PRAMEF9: variants seen among roughly 807,000 people sequenced by gnomAD.
PRAMEF9 encodes the protein PRAME family member 9.
Under a neutral mutation model 10.9 loss-of-function variants are expected in PRAMEF9, and 1 was observed. The ratio of observed to expected loss-of-function variants is 0.09; its 90% confidence interval spans 0.03 to 0.44. The LOEUF is 0.44. Ranked by LOEUF, PRAMEF9 falls within the 20% of genes least tolerant of loss-of-function variation. PRAMEF9 has a pLI of 0.97. For missense variants in PRAMEF9, 126 were observed against 379.8 expected (o/e 0.33, Z 5.55); for synonymous variants, 40 against 148.3 (o/e 0.27, Z 5.31).
Position 13,175,535 on chromosome 1 carries a change from T to C in PRAMEF9, c.255T>C (p.Asp85=). ...TGGAGGCCTTCCAAGCTGTGCTCGATGGGCTGGATGCACTGCTTACCCAAG... is the reference window on the plus strand; with the variant it reads ...TGGAGGCCTTCCAAGCTGTGCTCGACGGGCTGGATGCACTGCTTACCCAAG... ...PCLEAFQAVL[D]GLDALLTQGV... Residue 85 remains aspartate, a synonymous_variant, in exon 2 of 4, where the codon GAT becomes GAC. Coordinates refer to ENST00000415919, the MANE Select transcript of PRAMEF9 (RefSeq NM_001010890.3). 2.0e-6 allele frequency: 3 copies of C among 1,533,384 alleles called. 1 individual carries two copies. Among genetic ancestry groups the C allele is most frequent in the Non-Finnish European group, 2.7e-6 (3 of 1,118,672 alleles). 95.0% of individuals were successfully genotyped at this position (1,533,384 alleles called of 1,614,324 possible). A position where few individuals can be genotyped will look rare whatever the true frequency, so the allele number is the denominator to read the frequency against.
At chr1:13,175,094 G>T in intron 1 of PRAMEF9, 171 bp from the exon 2 acceptor site, 1 of 699,428 alleles carries the variant, frequency 1.4e-6, no homozygotes, top group Non-Finnish European at 2.4e-6. Context: ...TCATGCTGAT[G>T]CAGCAGAGGC....
chr1:13,177,438 G>A (rs1384844837), intron 3 of PRAMEF9: 8 of 41,030 alleles, frequency 1.9e-4, no homozygotes, highest in African/African-American at 4.0e-4. Flanking sequence ...GGGATTACAG[G>A]CATGAGTCAG....
rs1393352371 is a variant in PRAMEF9, at chr1:13,172,528, A to T, written c.-21A>T. ...TGAGCACCTTCTAAACTACATCCAG[A>T]TCTGGTAAGTCACTAATTTCTGTAA... On this transcript the variant is annotated 5_prime_UTR_variant, in exon 1 of 4. Coordinates refer to ENST00000415919, the MANE Select transcript of PRAMEF9 (RefSeq NM_001010890.3). The T allele has an allele frequency of 2.8e-5, 4 of 140,726 alleles. 1 individual carries two copies. The highest frequency in any genetic ancestry group is 4.9e-5 in the African/African-American group (2 of 40,682). The allele number at this position is 140,726 out of a possible 1,614,324, so 8.7% of individuals were successfully genotyped here.
chr1:13,174,683 A>C (rs1315262330), intron 1 of PRAMEF9: 1 of 6,314 alleles, frequency 1.6e-4, no homozygotes, highest in African/African-American at 1.3e-3. Context: ...AAAGAGAGAG[A>C]GAATGAGAGA....
Position 13,179,001 on chromosome 1 carries a change from A to C in PRAMEF9, c.1306A>C (p.Ile436Leu), listed in dbSNP as rs1385334225. ...GTLCWSRFAQ[I>L]RAELMNRVRD... ...TCTCTGCTGGAGCAGATTTGCTCAA[A>C]TTAGGGCTGAGCTGATGAACAGAGT... is the stretch of plus-strand genomic sequence containing the variant. Residue 436 changes from isoleucine to leucine, a missense_variant, in exon 4 of 4, where the codon ATT becomes CTT. Transcript: ENST00000415919. 20 of 1,541,180 alleles carry C rather than the reference A, an allele frequency of 1.3e-5. 6 individuals are homozygous for C. The East Asian group carries it at 1.9e-4, about 15-fold the overall frequency.
Position 13,172,826 on chromosome 1 carries a change from G to T in PRAMEF9, c.-17+294G>T, listed in dbSNP as rs1284131141. ...AGTGGGAGGATCATTTCAGCCCAGGGGTTTGAGACCAACCTGGGCAACATG... is the reference window on the plus strand; with the variant it reads ...AGTGGGAGGATCATTTCAGCCCAGGTGTTTGAGACCAACCTGGGCAACATG... On this transcript the variant is annotated intron_variant, in intron 1 of 3. Transcript: ENST00000415919. 1.4e-5 allele frequency: 2 copies of T among 141,642 alleles called. 1 individual carries two copies. The highest frequency in any genetic ancestry group is 3.2e-5 in the Non-Finnish European group (2 of 62,614). 8.8% of individuals were successfully genotyped at this position (141,642 alleles called of 1,614,324 possible).
At position 13,171,878 on chromosome 1, in the gene PRAMEF9, CTTTTTTTT is replaced by C. The variant is rs1161135169; in HGVS notation, c.-657_-650del. ...TTCTCTCTCTCTCTTTTTTCTTTTT[CTTTTTTTT>C]TTTTTTTTTTTTTAAATCTAGCCTA... is the stretch of plus-strand genomic sequence containing the variant. On this transcript the variant is annotated 5_prime_UTR_variant, in exon 1 of 4. Transcript: ENST00000415919. 8.1e-6 allele frequency: 1 copy of C among 123,730 alleles called. No individual in the cohort carries two copies. Among genetic ancestry groups the C allele is most frequent in the African/African-American group, 2.7e-5 (1 of 37,136 alleles). 7.7% of individuals were successfully genotyped at this position (123,730 alleles called of 1,614,324 possible).
In PRAMEF9 at chr1:13,171,965, C is replaced by T. The variant is rs1638320827; in HGVS notation, c.-584C>T. 7.1e-6 allele frequency: 1 copy of T among 140,720 alleles called. No individual in the cohort carries two copies. The highest frequency in any genetic ancestry group is 2.5e-5 in the African/African-American group (1 of 40,552). 8.7% of individuals were successfully genotyped at this position (140,720 alleles called of 1,614,324 possible). On this transcript the variant is annotated 5_prime_UTR_variant, in exon 1 of 4. Coordinates refer to ENST00000415919, the MANE Select transcript of PRAMEF9 (RefSeq NM_001010890.3). The stretch of plus-strand genomic sequence containing the variant: ...TGTCAGCTCACTGCAACCTCTGCCT[C>T]CTGGGTTCAAGGGATCCTCCTGTCT...
Position 13,179,023 on chromosome 1 carries a change from G to C in PRAMEF9, c.1328G>C (p.Arg443Thr), listed in dbSNP as rs551967335. 41 of 1,541,722 alleles carry C rather than the reference G, an allele frequency of 2.7e-5. 5 individuals are homozygous for C. Among genetic ancestry groups the C allele is most frequent in the Non-Finnish European group, 1.3e-5 (15 of 1,123,172 alleles). Residue 443 changes from arginine to threonine, a missense_variant, in exon 4 of 4, where the codon AGA (arginine) becomes ACA (threonine). Coordinates refer to ENST00000415919, the MANE Select transcript of PRAMEF9 (RefSeq NM_001010890.3). The stretch of plus-strand genomic sequence containing the variant: ...CAAATTAGGGCTGAGCTGATGAACA[G>C]AGTGAGGGACTTAAGGCACCCCAAG... The part of the protein sequence containing the change: ...FAQIRAELMN[R>T]VRDLRHPKRI...
Position 13,175,243 on chromosome 1 carries a change from C to T in PRAMEF9, c.-16-22C>T, listed in dbSNP as rs1638364643. The T allele has an allele frequency of 1.4e-6, 2 of 1,441,414 alleles. 1 individual carries two copies. Among genetic ancestry groups the T allele is most frequent in the African/African-American group, 2.8e-5 (2 of 71,972 alleles). The allele number at this position is 1,441,414 out of a possible 1,614,324, so 89.3% of individuals were successfully genotyped here. A position where few individuals can be genotyped will look rare whatever the true frequency, so the allele number is the denominator to read the frequency against. ...GCTTGGCCTGAGAGTGATGCCTTTT[C>T]TCTGGGTTTGTCCTCTGGAAGTTTT... is the stretch of plus-strand genomic sequence containing the variant. On this transcript the variant is annotated intron_variant, in intron 1 of 3. Coordinates refer to ENST00000415919, the MANE Select transcript of PRAMEF9 (RefSeq NM_001010890.3).
Position 13,178,970 on chromosome 1 carries a change from T to G in PRAMEF9, c.1275T>G (p.Asp425Glu), listed in dbSNP as rs781849355. ...CCCCGCGGGAGAGTTATGGTGCTGA[T>G]GGTACTCTCTGCTGGAGCAGATTTG... Reference protein sequence around the residue: ...YPAPRESYGADGTLCWSRFAQ... With the variant: ...YPAPRESYGAEGTLCWSRFAQ... The change falls in exon 4 of 4, where the codon GAT (aspartate) becomes GAG (glutamate). Residue 425 changes from aspartate (D) to glutamate (E), a missense_variant. Coordinates refer to ENST00000415919, the MANE Select transcript of PRAMEF9 (RefSeq NM_001010890.3). 1 of 1,539,748 alleles carries G rather than the reference T, an allele frequency of 6.5e-7. No individual in the cohort carries two copies. The highest frequency in any genetic ancestry group is 1.3e-5 in the African/African-American group (1 of 74,080).
rs1214355510 is a variant in PRAMEF9 at position 13,173,312 on chromosome 1, A to G, written c.-17+780A>G. 2 of 54,366 alleles carry G rather than the reference A, an allele frequency of 3.7e-5. 1 individual carries two copies. The highest frequency in any genetic ancestry group is 1.5e-3 in the East Asian group (2 of 1,342). 3.4% of individuals were successfully genotyped at this position (54,366 alleles called of 1,614,324 possible). A position where few individuals can be genotyped will look rare whatever the true frequency, so the allele number is the denominator to read the frequency against. ...AGACACTCTGTCCAAAAACAAAATC[A>G]ATCAAAAAGGATCTTTGACCTTAAT... On this transcript the variant is annotated intron_variant, in intron 1 of 3. Transcript: ENST00000415919.
chr1:13,172,875 G>T (rs1210848306), intron 1 of PRAMEF9: 3 of 139,608 alleles, frequency 2.1e-5, no homozygotes, highest in African/African-American at 4.9e-5. Context: ...TCTACACAAC[G>T]TTTTTTTTGA....
rs1319332766 is a variant in PRAMEF9 at position 13,172,216 on chromosome 1, T to G, written c.-333T>G. ...TTGACTTCTACCCTATCCCTAACAC[T>G]GTCAATTTCTTGCTTCGTGAAGTGA... On this transcript the variant is annotated 5_prime_UTR_variant, in exon 1 of 4. Transcript: ENST00000415919. 3 of 144,818 alleles carry G rather than the reference T, an allele frequency of 2.1e-5. No homozygotes were observed. The highest frequency in any genetic ancestry group is 2.2e-4 in the South Asian group (1 of 4,568). 9.0% of individuals were successfully genotyped at this position (144,818 alleles called of 1,614,324 possible).
chr1:13,178,302 C>G lies in PRAMEF9; in HGVS notation c.876-269C>G. 1.3e-5 allele frequency: 3 copies of G among 224,014 alleles called. 1 individual carries two copies. The highest frequency in any genetic ancestry group is 8.4e-6 in the Non-Finnish European group (1 of 118,510). 13.9% of individuals were successfully genotyped at this position (224,014 alleles called of 1,614,324 possible). On this transcript the variant is annotated intron_variant, in intron 3 of 3. Transcript: ENST00000415919. The stretch of plus-strand genomic sequence containing the variant: ...TTTGCCATGTTCAGCAGGCTGGTCT[C>G]AAACTCCTGATCTCAAGGAATCCAC...
chr1:13,175,153 C>G, intron 1 of PRAMEF9, 112 bp from the exon 2 acceptor site: 1 of 1,241,388 alleles, frequency 8.1e-7, no homozygotes, highest in African/African-American at 1.4e-5. Context: ...TTGGAGTAAA[C>G]TGAGGGCTGT....
At position 13,179,088 on chromosome 1, in the gene PRAMEF9, A is replaced by G. The variant is rs782549894; in HGVS notation, c.1393A>G (p.Asn465Asp). The change falls in exon 4 of 4, where the codon AAC (asparagine) becomes GAC (aspartate). Residue 465 changes from asparagine (N) to aspartate (D), a missense_variant. Physicochemically the swap from Asn to Asp is conservative, Grantham distance 23. Transcript: ENST00000415919. Reference sequence around the variant, plus strand: ...TATTGACAACTGCCCTGACTGTGGCAACAGGTCATTTTATGACCTGGAGGC... The same window carrying G: ...TATTGACAACTGCCCTGACTGTGGCGACAGGTCATTTTATGACCTGGAGGC... ...FCIDNCPDCG[N>D]RSFYDLEADQ... 7.8e-6 allele frequency: 12 copies of G among 1,541,212 alleles called. No individual in the cohort carries two copies. The African/African-American group carries it at 1.2e-4, about 16-fold the overall frequency.
At position 13,172,160 on chromosome 1, in the gene PRAMEF9, C is replaced by G. The variant is rs1364235681; in HGVS notation, c.-389C>G. ...ACAGTGCTGGGATTACAGGTGTGAG[C>G]CACTTCGTCTGGCCTTGAATGAATG... On this transcript the variant is annotated 5_prime_UTR_variant, in exon 1 of 4. Transcript: ENST00000415919. 37 of 144,576 alleles carry G rather than the reference C, an allele frequency of 2.6e-4. 7 individuals are homozygous for G. The highest frequency in any genetic ancestry group is 2.1e-3 in the Admixed American group (30 of 14,274). The allele number at this position is 144,576 out of a possible 1,614,324, so 9.0% of individuals were successfully genotyped here.
At position 13,172,450 on chromosome 1, in the gene PRAMEF9, G is replaced by A. The variant is rs1471854991; in HGVS notation, c.-99G>A. The A allele has an allele frequency of 7.0e-6, 1 of 141,890 alleles. No individual in the cohort carries two copies. 8.8% of individuals were successfully genotyped at this position (141,890 alleles called of 1,614,324 possible). ...AATAAAAGCTTCTAAAGACCCACAG[G>A]AGAGACCCAAAGTCTTCAAGCCTGG... On this transcript the variant is annotated 5_prime_UTR_variant, in exon 1 of 4. Transcript: ENST00000415919.
Sources: allele counts gnomAD v4.1 joint callset, GRCh38; gene constraint gnomAD v4.1.1; transcripts MANE v1.5; gene names NCBI Gene and HGNC (gene_info 2026-07-23, HGNC 2026-07-21).